Variants in NPY2R observed in about 807,000 individuals in gnomAD.
NPY2R encodes neuropeptide Y receptor Y2.
Under a neutral mutation model 22.3 loss-of-function variants are expected in NPY2R, and 17 were observed. That is an observed-to-expected ratio of 0.76 (90% confidence interval 0.52 to 1.14). NPY2R has a LOEUF of 1.14. Ranked by LOEUF, NPY2R falls within the 50% of genes most tolerant of loss-of-function variation. NPY2R has a pLI of 0.00. For synonymous variants in NPY2R, 209 were observed against 183.4 expected, an observed-to-expected ratio of 1.14 and a Z score of -1.13; for missense variants, 424 against 467.9, an observed-to-expected ratio of 0.91 and a Z score of 0.87.
chr4:155,206,276 C>A (rs1393004868), upstream of NPY2R, among the ~76,000 whole-genome samples: 5 of 152,220 alleles, frequency 3.3e-5, no homozygotes, highest in African/African-American at 9.6e-5. Context: ...CATCAATAAT[C>A]TTGTCCTATT....
chr4:155,182,077 A>G, the NPY2R span, among the ~76,000 whole-genome samples: 71,250 of 151,952 alleles, frequency 0.47, 17,437 homozygotes, highest in East Asian at 0.69. Context: ...TTCACAGAGA[A>G]AATAACTAAA....
chr4:155,201,975 T>C, the NPY2R span, among the ~76,000 whole-genome samples: 3 of 152,160 alleles, frequency 2.0e-5, no homozygotes, highest in African/African-American at 4.8e-5. Flanking sequence ...GTTGTGCCGG[T>C]TCCCTTTAAT....
chr4:155,205,145 T>C (rs971872605), upstream of NPY2R, among the ~76,000 whole-genome samples: 3 of 152,194 alleles, frequency 2.0e-5, no homozygotes, highest in African/African-American at 7.2e-5. Context: ...AAATTTAAAA[T>C]TTCAGTTCTT....
chr4:155,183,851 C>CA, the NPY2R span, among the ~76,000 whole-genome samples: 2 of 152,152 alleles, frequency 1.3e-5, no homozygotes, highest in African/African-American at 4.8e-5. Flanking sequence ...GACTGCCCTG[C>CA]AAAACACTAT....
chr4:155,201,385 A>C, the NPY2R span, among the ~76,000 whole-genome samples: 2 of 152,164 alleles, frequency 1.3e-5, no homozygotes, highest in Non-Finnish European at 2.9e-5. Context: ...ATGTGTAAAC[A>C]GGGGGAAGCA....
chr4:155,203,297 C>A, the NPY2R span, among the ~76,000 whole-genome samples: 5 of 152,156 alleles, frequency 3.3e-5, no homozygotes, highest in East Asian at 9.7e-4. Flanking sequence ...ATATTGCATA[C>A]AAATATTTTA....
chr4:155,201,446 G>A, the NPY2R span, among the ~76,000 whole-genome samples: 2 of 152,180 alleles, frequency 1.3e-5, no homozygotes, highest in Non-Finnish European at 2.9e-5. Flanking sequence ...GGACATGTGA[G>A]TCAAGTTACC....
At chr4:155,196,783 G>A in the NPY2R span, among the ~76,000 whole-genome samples, 1 of 151,164 alleles carries the variant, frequency 6.6e-6, no homozygotes, top group South Asian at 2.1e-4. Flanking sequence ...GGGGCCAGAG[G>A]GGGGATCTCA....
chr4:155,183,682 A>C, the NPY2R span, among the ~76,000 whole-genome samples: 1 of 152,320 alleles, frequency 6.6e-6, no homozygotes, highest in East Asian at 1.9e-4. Flanking sequence ...AGTGTGAGGA[A>C]ATGAGTGAAC....
chr4:155,181,396 G>A, the NPY2R span, among the ~76,000 whole-genome samples: 19 of 152,132 alleles, frequency 1.2e-4, no homozygotes, highest in Admixed American at 7.9e-4. Flanking sequence ...AGAAATAAAC[G>A]TTGGAATACA....
chr4:155,204,518 T>C (rs1729245912), upstream of NPY2R, among the ~76,000 whole-genome samples: 1 of 152,210 alleles, frequency 6.6e-6, no homozygotes, highest in Non-Finnish European at 1.5e-5. Context: ...TACTCCCTGC[T>C]GGATTTATGT....
chr4:155,212,113 A>G (rs1029180564), intron 1 of NPY2R, among the ~76,000 whole-genome samples: 3 of 152,198 alleles, frequency 2.0e-5, no homozygotes, highest in Non-Finnish European at 4.4e-5. Context: ...GCCAAGCATT[A>G]TCTGTGGGCT....
chr4:155,197,047 A>C, the NPY2R span, among the ~76,000 whole-genome samples: 1 of 151,932 alleles, frequency 6.6e-6, no homozygotes, highest in African/African-American at 2.4e-5. Flanking sequence ...ACTAAGGTTC[A>C]TTTGGGAAAA....
At position 155,214,916 on chromosome 4, in the gene NPY2R, G is replaced by T; in HGVS notation, c.977G>T (p.Gly326Val). 6.2e-7 allele frequency: 1 copy of T among 1,613,846 alleles called. No homozygotes were observed. Among genetic ancestry groups the T allele is most frequent in the Non-Finnish European group, 8.5e-7 (1 of 1,179,790 alleles). ...ACTTTTGCCAATCCCCTTCTCTATG[G>T]CTGGATGAACAGCAACTACAGAAAG... ...CSTFANPLLY[G>V]WMNSNYRKAF... The change falls in exon 2 of 2, where the codon GGC becomes GTC. Residue 326 changes from glycine (G) to valine (V), a missense_variant. Gly to Val is a moderately radical substitution (Grantham distance 109, BLOSUM62 -3). Transcript: ENST00000329476.
At chr4:155,182,005 G>A in the NPY2R span, among the ~76,000 whole-genome samples, 2 of 152,178 alleles carry the variant, frequency 1.3e-5, no homozygotes, top group Non-Finnish European at 2.9e-5. Flanking sequence ...ACTGTCAGGT[G>A]CAAAGTGAGT....
the NPY2R span, among the ~76,000 whole-genome samples, chr4:155,176,176 C>T: frequency 6.6e-6 from 1 of 152,130 alleles, no homozygotes; most frequent in Non-Finnish European, 1.5e-5. Flanking sequence ...AAAAACCCCC[C>T]AATTTTAGTT....
chr4:155,174,484 A>ATATATATATATATATATATATATATTTT, the NPY2R span, among the ~76,000 whole-genome samples: 23 of 106,058 alleles, frequency 2.2e-4, no homozygotes, highest in African/African-American at 8.6e-4. Context: ...ATATATATAT[A>ATATATATATATATATATATATATATTTT]TTTTTTTTTT....
At chr4:155,193,438 G>A in the NPY2R span, among the ~76,000 whole-genome samples, 1 of 151,896 alleles carries the variant, frequency 6.6e-6, no homozygotes, top group African/African-American at 2.4e-5. Context: ...CAAGGTGCAA[G>A]CAGGAATTAA....
the NPY2R span, among the ~76,000 whole-genome samples, chr4:155,187,781 A>T: frequency 6.6e-6 from 1 of 151,948 alleles, no homozygotes; most frequent in Non-Finnish European, 1.5e-5. Context: ...TTCATGGCTC[A>T]GGTCATTTGT....
Sources: gnomAD v4.1 joint callset for allele counts (sites outside exome capture counted in the v4.1 genomes callset) on GRCh38, gnomAD v4.1.1 for gene constraint, MANE v1.5 for transcripts, NCBI Gene and HGNC (gene_info 2026-07-23, HGNC 2026-07-21) for gene names.